Variants in SLA2 observed in about 807,000 individuals in gnomAD.
SLA2 encodes Src like adaptor 2, also known as src-like-adapter 2.
Under a neutral mutation model 27.3 loss-of-function variants are expected in SLA2, and 22 were observed. The ratio of observed to expected loss-of-function variants is 0.81; its 90% CI spans 0.58 to 1.15. SLA2 has a LOEUF of 1.15. Among genes scored for constraint, SLA2 ranks in the 50% most tolerant of loss-of-function variants. SLA2 has a pLI of 0.00. For synonymous variants in SLA2, 131 were observed against 137.8 expected (o/e 0.95, Z 0.34); for missense variants, 304 against 322.2 (o/e 0.94, Z 0.43).
At chr20:36,637,747 C>T (rs768420511) in intron 2 of SLA2, among the ~76,000 whole-genome samples, 3 of 150,924 alleles carry the variant, frequency 2.0e-5, no homozygotes, top group Non-Finnish European at 4.4e-5. Context: ...CTCCCTCAGC[C>T]TCCTGAGTAG....
At chr20:36,632,475 G>T in intron 5 of SLA2, 120 bp downstream of exon 5, 1 of 733,062 alleles carries the variant, frequency 1.4e-6, no homozygotes. Context: ...AGGAAATCTT[G>T]GTTGACTGAG....
chr20:36,626,553 T>TAAAA (rs566064318), intron 5 of SLA2, among the ~76,000 whole-genome samples: 27 of 135,902 alleles, frequency 2.0e-4, no homozygotes, highest in African/African-American at 7.4e-4. Flanking sequence ...GACCCTGTCT[T>TAAAA]AAAAAAAAAA....
chr20:36,616,157 A>G (rs928969535), intron 5 of SLA2, among the ~76,000 whole-genome samples: 1 of 152,172 alleles, frequency 6.6e-6, no homozygotes, highest in Non-Finnish European at 1.5e-5. Flanking sequence ...ACAGTGAAGC[A>G]TGAGAGGGGG....
intron 2 of SLA2, among the ~76,000 whole-genome samples, chr20:36,636,920 C>T (rs1426554278): frequency 1.3e-5 from 2 of 151,838 alleles, no homozygotes; most frequent in Non-Finnish European, 2.9e-5. Context: ...CATTGCACTC[C>T]AGCATGGGCA....
At chr20:36,641,203 C>T (rs2039503255) in intron 2 of SLA2, 42 bp downstream of exon 2, 2 of 1,539,158 alleles carry the variant, frequency 1.3e-6, no homozygotes. Flanking sequence ...AAGTCTAGTA[C>T]TGTGTGGGAA....
chr20:36,637,546 C>T (rs2039464066), intron 2 of SLA2, among the ~76,000 whole-genome samples: 1 of 151,626 alleles, frequency 6.6e-6, no homozygotes, highest in African/African-American at 2.4e-5. Context: ...TTGAAATGTC[C>T]AGTTGTAAAC....
chr20:36,616,310 T>A (rs1017489086), intron 5 of SLA2, among the ~76,000 whole-genome samples: 1 of 129,724 alleles, frequency 7.7e-6, no homozygotes, highest in Non-Finnish European at 1.5e-5. Context: ...ATTTTTTCAT[T>A]TTTTTTTTTT....
In SLA2 at chr20:36,613,684, G is replaced by T. The variant is rs1316348050; in HGVS notation, c.*182C>A. The T allele has an allele frequency of 4.6e-6, 3 of 649,954 alleles. No individual in the cohort carries two copies. Among genetic ancestry groups the T allele is most frequent in the East Asian group, 5.9e-5 (2 of 33,660 alleles). The allele number at this position is 649,954 out of a possible 1,614,324, so 40.3% of individuals were successfully genotyped here. A position where few individuals can be genotyped will look rare whatever the true frequency, so the allele number is the denominator to read the frequency against. ...GCAGGTGGGATCATGGCACTGGAAG[G>T]AAGTAGGTGACTTCTAAGGGCTAAG... On this transcript the variant is annotated 3_prime_UTR_variant, in exon 8 of 8. Coordinates refer to ENST00000262866, the MANE Select transcript of SLA2 (RefSeq NM_032214.4).
chr20:36,630,485 G>C (rs1251854655), intron 5 of SLA2, among the ~76,000 whole-genome samples: 2 of 152,172 alleles, frequency 1.3e-5, no homozygotes, highest in African/African-American at 4.8e-5. Context: ...TGCTATGCTT[G>C]CAGTGCCAAC....
chr20:36,614,121 A>G, intron 7 of SLA2, 135 bp from the exon 8 acceptor site: 1 of 1,476,848 alleles, frequency 6.8e-7, no homozygotes. Flanking sequence ...TCCCTATCAG[A>G]TCAGCTTCCC....
At chr20:36,641,118 C>A in intron 2 of SLA2, 127 bp downstream of exon 2, 1 of 744,352 alleles carries the variant, frequency 1.3e-6, no homozygotes, top group Non-Finnish European at 2.3e-6. Flanking sequence ...TAGGCAGGGC[C>A]TGGTATGCAG....
rs2039502710 is a variant in SLA2, at chr20:36,641,155, G to A, written c.91+90C>T. 5.4e-6 allele frequency: 6 copies of A among 1,101,436 alleles called. No homozygotes were observed. The South Asian group carries it at 7.6e-5, about 14-fold the overall frequency. The allele number at this position is 1,101,436 out of a possible 1,614,324, so 68.2% of individuals were successfully genotyped here. ...AGGCCCTCAGCGGTGCTTACACTGT[G>A]TTGGAGCTGCTGGCCAGGAAGGCCC... is the stretch of plus-strand genomic sequence containing the variant. On this transcript the variant is annotated intron_variant, in intron 2 of 7. Transcript: ENST00000262866.
chr20:36,612,475 G>T lies in SLA2; in HGVS notation c.*1391C>A. The T allele has an allele frequency of 1.8e-6, 1 of 548,934 alleles. No individual in the cohort carries two copies. Among genetic ancestry groups the T allele is most frequent in the East Asian group, 3.2e-5 (1 of 31,314 alleles). The allele number at this position is 548,934 out of a possible 1,614,324, so 34.0% of individuals were successfully genotyped here. A position where few individuals can be genotyped will look rare whatever the true frequency, so the allele number is the denominator to read the frequency against. The stretch of plus-strand genomic sequence containing the variant: ...CATGGCTGTATGTGCGTGGTCCATA[G>T]CACAGTACATGCAGCATCTAATAAG... On this transcript the variant is annotated 3_prime_UTR_variant, in exon 8 of 8. Coordinates refer to ENST00000262866, the MANE Select transcript of SLA2 (RefSeq NM_032214.4).
intron 1 of SLA2, among the ~76,000 whole-genome samples, chr20:36,645,246 A>ACCAT (rs1978287040): frequency 6.9e-6 from 1 of 144,804 alleles, no homozygotes; most frequent in African/African-American, 2.6e-5. Context: ...ACATGCCTGT[A>ACCAT]GTCTCAGCTA....
At chr20:36,644,453 G>C (rs915951567) in intron 1 of SLA2, among the ~76,000 whole-genome samples, 1 of 152,232 alleles carries the variant, frequency 6.6e-6, no homozygotes, top group Non-Finnish European at 1.5e-5. Context: ...GTAAGGCTTA[G>C]TTTCCTTTCC....
At position 36,613,997 on chromosome 20, in the gene SLA2, A is replaced by G. The variant is rs2039173889; in HGVS notation, c.666-11T>C. The G allele has an allele frequency of 6.2e-7, 1 of 1,613,252 alleles. No homozygotes were observed. Among genetic ancestry groups the G allele is most frequent in the Non-Finnish European group, 8.5e-7 (1 of 1,179,778 alleles). ...GAAAACAGGAGGGAGCTGTGGACAA[A>G]GGAAGATAATTGGGTCAAGAAGCCT... On this transcript the variant is annotated splice_polypyrimidine_tract_variant and intron_variant, in intron 7 of 7. Coordinates refer to ENST00000262866, the MANE Select transcript of SLA2 (RefSeq NM_032214.4).
intron 2 of SLA2, among the ~76,000 whole-genome samples, chr20:36,640,079 G>C (rs376719023): frequency 2.0e-5 from 3 of 151,840 alleles, no homozygotes; most frequent in East Asian, 3.9e-4. Flanking sequence ...AGGCCAAGGC[G>C]GGAGGATCAT....
chr20:36,631,933 G>A (rs1191329021), intron 5 of SLA2, among the ~76,000 whole-genome samples: 1 of 152,180 alleles, frequency 6.6e-6, no homozygotes, highest in African/African-American at 2.4e-5. Flanking sequence ...AGGCAAACGC[G>A]ACGCCTTAAG....
Position 36,613,647 on chromosome 20 carries a change from G to A in SLA2, c.*219C>T, listed in dbSNP as rs542847874. On this transcript the variant is annotated 3_prime_UTR_variant, in exon 8 of 8. Transcript: ENST00000262866. ...CCCTGGTCCCACCTTCTCTGCACTC[G>A]CACTAGAGGTCGCAGGTGGGATCAT... 15 of 491,770 alleles carry A rather than the reference G, an allele frequency of 3.1e-5. No individual in the cohort carries two copies. The highest frequency in any genetic ancestry group is 5.0e-5 in the Non-Finnish European group (14 of 282,382). 30.5% of individuals were successfully genotyped at this position (491,770 alleles called of 1,614,324 possible). A position where few individuals can be genotyped will look rare whatever the true frequency, so the allele number is the denominator to read the frequency against.
Sources: gnomAD v4.1 joint callset for allele counts (sites outside exome capture counted in the v4.1 genomes callset) on GRCh38, gnomAD v4.1.1 for gene constraint, MANE v1.5 for transcripts, NCBI Gene and HGNC (gene_info 2026-07-23, HGNC 2026-07-21) for gene names.